SCHIP1: variants seen among roughly 807,000 people sequenced by gnomAD.
SCHIP1 encodes schwannomin-interacting protein 1.
Under a neutral mutation model 29.7 loss-of-function variants are expected in SCHIP1, and 8 were observed. The ratio of observed to expected loss-of-function variants is 0.27; its 90% CI spans 0.16 to 0.49. The LOEUF (loss-of-function observed/expected upper bound fraction) is 0.49. Among genes scored for constraint, SCHIP1 ranks in the 20% least tolerant of loss-of-function variants. SCHIP1 has a pLI of 0.99. For missense variants in SCHIP1, 193 were observed against 294.6 expected, an observed-to-expected ratio of 0.66 and a Z score of 2.52; for synonymous variants, 76 against 94.9, an observed-to-expected ratio of 0.80 and a Z score of 1.16.
chr3:159,471,021 G>A, the SCHIP1 span, among the ~76,000 whole-genome samples: 1 of 152,032 alleles, frequency 6.6e-6, no homozygotes. Flanking sequence ...GAGCATAAGA[G>A]AATATTTTGG....
the SCHIP1 span, among the ~76,000 whole-genome samples, chr3:159,821,509 C>T: frequency 6.6e-6 from 1 of 152,148 alleles, no homozygotes; most frequent in Non-Finnish European, 1.5e-5. Context: ...AACGCAATTG[C>T]CATCAACTGA....
the SCHIP1 span, among the ~76,000 whole-genome samples, chr3:159,292,296 A>T: frequency 6.6e-6 from 1 of 152,116 alleles, no homozygotes; most frequent in African/African-American, 2.4e-5. Context: ...AATCTGGGTA[A>T]TGGATACATG....
the SCHIP1 span, chr3:159,273,309 G>A: frequency 3.0e-6 from 3 of 985,958 alleles, no homozygotes. Context: ...AGCAGACCGA[G>A]GCTGGGGCGA....
the SCHIP1 span, among the ~76,000 whole-genome samples, chr3:159,762,886 C>T: frequency 2.0e-5 from 3 of 152,160 alleles, no homozygotes; most frequent in African/African-American, 7.2e-5. Context: ...CCAAGGGCAC[C>T]CTCACCTGAT....
chr3:159,796,200 A>G, the SCHIP1 span, among the ~76,000 whole-genome samples: 1 of 152,136 alleles, frequency 6.6e-6, no homozygotes, highest in Admixed American at 6.5e-5. Flanking sequence ...GTGGTGTCTG[A>G]TGGTGGTGAG....
At chr3:159,577,589 T>A in the SCHIP1 span, among the ~76,000 whole-genome samples, 2 of 152,154 alleles carry the variant, frequency 1.3e-5, no homozygotes, top group African/African-American at 4.8e-5. Context: ...TACCACAGAT[T>A]TCCCGTGGAC....
At chr3:159,661,143 G>C in the SCHIP1 span, among the ~76,000 whole-genome samples, 1 of 152,070 alleles carries the variant, frequency 6.6e-6, no homozygotes, top group African/African-American at 2.4e-5. Context: ...TGCAAAAAGG[G>C]GGCAATAATT....
At chr3:159,656,119 C>T in the SCHIP1 span, among the ~76,000 whole-genome samples, 1 of 152,086 alleles carries the variant, frequency 6.6e-6, no homozygotes, top group African/African-American at 2.4e-5. Flanking sequence ...GACCTGAGGA[C>T]AGATCTGGTA....
chr3:159,576,720 C>A, the SCHIP1 span, among the ~76,000 whole-genome samples: 5 of 152,128 alleles, frequency 3.3e-5, no homozygotes, highest in Admixed American at 3.3e-4. Flanking sequence ...CCAGTTTCAA[C>A]TCCCCGACTT....
the SCHIP1 span, among the ~76,000 whole-genome samples, chr3:159,662,112 AAC>A: frequency 1.2e-4 from 19 of 152,046 alleles, no homozygotes; most frequent in Non-Finnish European, 2.4e-4. Context: ...CCTGTTCCAT[AAC>A]AGTCTTCCCT....
chr3:159,472,591 T>G, the SCHIP1 span, among the ~76,000 whole-genome samples: 3 of 152,196 alleles, frequency 2.0e-5, no homozygotes, highest in Admixed American at 6.6e-5. Context: ...TTTTCCAATC[T>G]TTCTGTAATA....
the SCHIP1 span, among the ~76,000 whole-genome samples, chr3:159,478,794 C>T: frequency 2.0e-5 from 3 of 152,082 alleles, no homozygotes; most frequent in Non-Finnish European, 4.4e-5. Flanking sequence ...GTTAAATTTA[C>T]ACCTAAGTAT....
At chr3:159,471,740 A>T in the SCHIP1 span, among the ~76,000 whole-genome samples, 1 of 152,242 alleles carries the variant, frequency 6.6e-6, no homozygotes, top group South Asian at 2.1e-4. Context: ...AAAGGACTTA[A>T]TCTCACCAGC....
chr3:159,649,697 T>C, the SCHIP1 span, among the ~76,000 whole-genome samples: 14 of 152,234 alleles, frequency 9.2e-5, no homozygotes, highest in Non-Finnish European at 1.5e-4. Flanking sequence ...AGGTATGCTG[T>C]GACTACATCA....
the SCHIP1 span, among the ~76,000 whole-genome samples, chr3:159,812,942 C>T: frequency 5.8e-3 from 876 of 152,216 alleles, 4 homozygotes; most frequent in African/African-American, 0.014. Context: ...AGAGAAAGGC[C>T]GAGAACCAGA....
the SCHIP1 span, among the ~76,000 whole-genome samples, chr3:159,653,749 T>TAAAAAA: frequency 9.2e-6 from 1 of 108,866 alleles, no homozygotes; most frequent in Non-Finnish European, 2.2e-5. Context: ...GAACTTAAAG[T>TAAAAAA]AAAAAAAAAA....
chr3:159,548,376 G>A, the SCHIP1 span, among the ~76,000 whole-genome samples: 3 of 151,652 alleles, frequency 2.0e-5, no homozygotes, highest in Non-Finnish European at 2.9e-5. Context: ...CAAAATTATT[G>A]TTATGAGTGT....
the SCHIP1 span, among the ~76,000 whole-genome samples, chr3:159,556,774 G>T: frequency 1.9e-5 from 2 of 105,184 alleles, no homozygotes; most frequent in Non-Finnish European, 3.7e-5. Context: ...GTTGTGGGGT[G>T]GGGGGAGGGG....
chr3:159,535,827 CTG>C, the SCHIP1 span, among the ~76,000 whole-genome samples: 3 of 151,978 alleles, frequency 2.0e-5, no homozygotes, highest in South Asian at 2.1e-4. Context: ...GTGTGTGTGT[CTG>C]TGTGTGTGTA....
Sources: allele counts gnomAD v4.1 joint callset (sites outside exome capture counted in the v4.1 genomes callset), GRCh38; gene constraint gnomAD v4.1.1; transcripts MANE v1.5; gene names NCBI Gene and HGNC (gene_info 2026-07-23, HGNC 2026-07-21).